MAST4: variants seen among roughly 807,000 people sequenced by gnomAD.
MAST4 encodes microtubule-associated serine/threonine-protein kinase 4.
A neutral mutation model predicts 162.7 loss-of-function variants in MAST4; 89 were observed. That is an observed-to-expected ratio of 0.55 (90% CI 0.46 to 0.65). The LOEUF (loss-of-function observed/expected upper bound fraction) is 0.65. Ranked by LOEUF, MAST4 falls within the 30% of genes least tolerant of loss-of-function variation. MAST4 has a pLI of 0.00. For missense variants in MAST4, 3,153 were observed against 3,374.0 expected (o/e 0.93, Z 1.62); for synonymous variants, 1,479 against 1,361.1 (o/e 1.09, Z -1.91).
intron 4 of MAST4, among the ~76,000 whole-genome samples, chr5:67,045,139 GTATT>G (rs1454606633): frequency 6.6e-6 from 1 of 152,192 alleles, no homozygotes; most frequent in African/African-American, 2.4e-5. Context: ...TCATTCAAAA[GTATT>G]TAATGTGTTT....
At chr5:66,972,815 G>A (rs892475996) in intron 4 of MAST4, among the ~76,000 whole-genome samples, 3 of 152,136 alleles carry the variant, frequency 2.0e-5, no homozygotes, top group Admixed American at 6.5e-5. Context: ...ACTGTCTTCC[G>A]TGATCCGGCT....
chr5:66,868,335 G>A (rs4700169), intron 3 of MAST4, among the ~76,000 whole-genome samples: 59,190 of 151,614 alleles, frequency 0.39, 13,724 homozygotes, highest in Non-Finnish European at 0.52. Flanking sequence ...CTTCTCAAAG[G>A]TTCCCCTCTT....
At chr5:66,995,469 T>C (rs1643634037) in intron 4 of MAST4, among the ~76,000 whole-genome samples, 1 of 152,146 alleles carries the variant, frequency 6.6e-6, no homozygotes, top group Admixed American at 6.5e-5. Flanking sequence ...AGTGGTGTGA[T>C]CTTTGCTCAC....
Position 66,638,143 on chromosome 5 carries a change from T to TA in MAST4, c.363+41126dup, listed in dbSNP as rs1371515210. On this transcript the variant is annotated intron_variant, in intron 1 of 28. Coordinates refer to ENST00000403625, the MANE Select transcript of MAST4 (RefSeq NM_001164664.2). ...GGAACCTTCAAGAGCTCCTTACTCT[T>TA]ACACTTGTGGCAGCTCCTACTCAGG... Among the ~76,000 whole-genome samples, 3 of 152,206 alleles carry TA rather than the reference T, an allele frequency of 2.0e-5. No individual in the cohort carries two copies. In the East Asian group the frequency reaches 5.8e-4, roughly 29 times the overall value.
At chr5:67,027,794 CTGT>C (rs531352635) in intron 4 of MAST4, among the ~76,000 whole-genome samples, 2 of 152,256 alleles carry the variant, frequency 1.3e-5, no homozygotes, top group South Asian at 2.1e-4. Flanking sequence ...AGGATAGGAT[CTGT>C]TGTTATAACC....
intron 5 of MAST4, among the ~76,000 whole-genome samples, chr5:67,070,916 G>T (rs1434881941): frequency 6.6e-6 from 1 of 152,194 alleles, no homozygotes; most frequent in Non-Finnish European, 1.5e-5. Context: ...GCCGCATTTT[G>T]TGCTGATCAG....
chr5:66,639,376 AG>A (rs1745338685), intron 1 of MAST4, among the ~76,000 whole-genome samples: 1 of 151,866 alleles, frequency 6.6e-6, no homozygotes, highest in Admixed American at 6.6e-5. Flanking sequence ...AACATAGAAG[AG>A]GAAACACACA....
chr5:66,942,856 A>T (rs1312310151), intron 4 of MAST4, among the ~76,000 whole-genome samples: 2 of 152,144 alleles, frequency 1.3e-5, no homozygotes, highest in African/African-American at 4.8e-5. Flanking sequence ...TGGGTGGCTT[A>T]TAAACAGAAA....
intron 4 of MAST4, among the ~76,000 whole-genome samples, chr5:66,940,000 G>A (rs915376623): frequency 1.3e-5 from 2 of 152,062 alleles, no homozygotes; most frequent in Admixed American, 1.3e-4. Context: ...CTAGGAGTAC[G>A]AGGCTGCAGT....
intron 4 of MAST4, chr5:67,005,176 G>A (rs1227069359): frequency 1.7e-5 from 12 of 711,964 alleles, no homozygotes; most frequent in Middle Eastern, 4.7e-4. Context: ...CAGGAGCTGG[G>A]GTTTTGTGTA....
chr5:67,049,133 G>T (rs1393326672), intron 4 of MAST4, among the ~76,000 whole-genome samples: 1 of 147,652 alleles, frequency 6.8e-6, no homozygotes, highest in African/African-American at 2.5e-5. Flanking sequence ...TCTTTCAGTA[G>T]TTGCCTTTTG....
intron 1 of MAST4, among the ~76,000 whole-genome samples, chr5:66,690,451 T>C (rs955964556): frequency 6.6e-6 from 1 of 152,182 alleles, no homozygotes; most frequent in Non-Finnish European, 1.5e-5. Flanking sequence ...TTGCTGTATT[T>C]TTCTTCTAGT....
chr5:66,690,876 C>T (rs976440010), intron 1 of MAST4, among the ~76,000 whole-genome samples: 1 of 152,146 alleles, frequency 6.6e-6, no homozygotes, highest in Non-Finnish European at 1.5e-5. Context: ...GCTACTCTTT[C>T]TCCAGAAATA....
chr5:66,858,375 G>A (rs1418846261), intron 3 of MAST4, among the ~76,000 whole-genome samples: 2 of 152,116 alleles, frequency 1.3e-5, no homozygotes, highest in Admixed American at 6.5e-5. Context: ...AGTATGGTGT[G>A]AGGTATGGAT....
At chr5:67,103,518 A>AGG (rs530670143) in intron 9 of MAST4, among the ~76,000 whole-genome samples, 209 of 152,278 alleles carry the variant, frequency 1.4e-3, no homozygotes, top group Non-Finnish European at 2.4e-3. Flanking sequence ...AGAGGGGAGG[A>AGG]GGAGGGAGGA....
At chr5:66,826,598 C>A (rs1036894031) in intron 3 of MAST4, among the ~76,000 whole-genome samples, 1 of 151,680 alleles carries the variant, frequency 6.6e-6, no homozygotes, top group Non-Finnish European at 1.5e-5. Context: ...GGTTTGTCCT[C>A]CCACCACCCC....
chr5:66,800,372 A>G (rs977220313), intron 3 of MAST4, among the ~76,000 whole-genome samples: 1 of 152,238 alleles, frequency 6.6e-6, no homozygotes, highest in African/African-American at 2.4e-5. Context: ...ATAGCAATGA[A>G]CAAGATCATG....
chr5:67,133,467 C>A (rs1769242524), intron 16 of MAST4, 47 bp from the exon 17 acceptor site: 2 of 1,592,340 alleles, frequency 1.3e-6, no homozygotes, highest in Non-Finnish European at 1.7e-6. Context: ...AAATAGATAA[C>A]CAGCTTATAA....
At chr5:67,047,312 C>A (rs1354614882) in intron 4 of MAST4, among the ~76,000 whole-genome samples, 1 of 152,326 alleles carries the variant, frequency 6.6e-6, no homozygotes, top group South Asian at 2.1e-4. Context: ...GACCTGCCTC[C>A]TGCCATGGCT....
Sources: gnomAD v4.1 joint callset for allele counts (sites outside exome capture counted in the v4.1 genomes callset) on GRCh38, gnomAD v4.1.1 for gene constraint, MANE v1.5 for transcripts, NCBI Gene and HGNC (gene_info 2026-07-23, HGNC 2026-07-21) for gene names.